Variants in USP22 observed in about 807,000 individuals in gnomAD.
The protein encoded by USP22 is ubiquitin specific peptidase 22.
Under a neutral mutation model 68.1 loss-of-function variants are expected in USP22, and 22 were observed. The ratio of observed to expected loss-of-function variants is 0.32; its 90% CI spans 0.23 to 0.46. The LOEUF (loss-of-function observed/expected upper bound fraction) is 0.46. Among genes scored for constraint, USP22 ranks in the 20% least tolerant of loss-of-function variants. The pLI, the probability that USP22 is intolerant of heterozygous loss-of-function variation, is 1.00. For synonymous variants in USP22, 279 were observed against 274.2 expected (o/e 1.02, Z -0.17); for missense variants, 433 against 695.8 (o/e 0.62, Z 4.25).
At chr17:21,033,753 A>ACT (rs1555530775) in intron 1 of USP22, among the ~76,000 whole-genome samples, 2 of 146,144 alleles carry the variant, frequency 1.4e-5, no homozygotes, top group African/African-American at 5.1e-5. Flanking sequence ...GACAGGTATA[A>ACT]TTTTTTTTTT....
chr17:21,010,704 A>AT (rs1484201854), intron 8 of USP22, among the ~76,000 whole-genome samples: 1 of 151,870 alleles, frequency 6.6e-6, no homozygotes, highest in Non-Finnish European at 1.5e-5. Context: ...ATTATTACTT[A>AT]TCCCAAATGA....
At position 21,042,825 on chromosome 17, in the gene USP22, CG is replaced by C. The variant is rs1972458862; in HGVS notation, c.10del (p.Arg4GlyfsTer15). On this transcript the variant is annotated frameshift_variant, in exon 1 of 13. Coordinates refer to ENST00000261497, the MANE Select transcript of USP22 (RefSeq NM_015276.2). LOFTEE classifies it high-confidence loss of function. ...CATGGCCTCGCCCTCGGGCTCTGGCCGGGACACCATGGGGGGCAAGGCCCGG... is the reference window on the plus strand; with the variant it reads ...CATGGCCTCGCCCTCGGGCTCTGGCCGGACACCATGGGGGGCAAGGCCCGG... Reference protein sequence around the residue: MVSRPEPEGEAMDA... With the variant: MVSXPEPEGEAMDA... 1.4e-6 allele frequency: 2 copies of C among 1,398,870 alleles called. No homozygotes were observed. The highest frequency in any genetic ancestry group is 1.5e-5 in the South Asian group (1 of 65,600). 86.7% of individuals were successfully genotyped at this position (1,398,870 alleles called of 1,614,324 possible).
intron 1 of USP22, among the ~76,000 whole-genome samples, chr17:21,036,833 C>T (rs1972364460): frequency 6.6e-6 from 1 of 152,134 alleles, no homozygotes; most frequent in African/African-American, 2.4e-5. Flanking sequence ...AGCTCTGTCC[C>T]TTGAGGGGGC....
At chr17:21,006,201 T>C in intron 10 of USP22, among the ~76,000 whole-genome samples, 1 of 152,206 alleles carries the variant, frequency 6.6e-6, no homozygotes, top group East Asian at 1.9e-4. Flanking sequence ...GTCTCATGCA[T>C]TAGTAAGCAG....
chr17:21,010,157 C>G (rs1449271625), intron 8 of USP22, among the ~76,000 whole-genome samples: 1 of 152,018 alleles, frequency 6.6e-6, no homozygotes. Flanking sequence ...GAGCAAGACC[C>G]TATCTCAAAA....
Position 20,999,921 on chromosome 17 carries a change from G to T in USP22, c.*3110C>A, listed in dbSNP as rs1205727312. ...GGAGGGAATGCCCAGGGAGGCTGCA[G>T]TGCTCACCACGAAGCCCAGGTCCAC... On this transcript the variant is annotated 3_prime_UTR_variant, in exon 13 of 13. Transcript: ENST00000261497. 6.6e-6 allele frequency: 1 copy of T among 152,318 alleles called. No homozygotes were observed. Among genetic ancestry groups the T allele is most frequent in the Non-Finnish European group, 1.5e-5 (1 of 68,142 alleles). The allele number at this position is 152,318 out of a possible 1,614,324, so 9.4% of individuals were successfully genotyped here. A position where few individuals can be genotyped will look rare whatever the true frequency, so the allele number is the denominator to read the frequency against.
rs74793544 is a variant in USP22, at chr17:21,024,315, G to A, written c.305-3089C>T. On this transcript the variant is annotated intron_variant, in intron 2 of 12. Transcript: ENST00000261497. The stretch of plus-strand genomic sequence containing the variant: ...TAGCTGACAACAAAAACTCTAGCCT[G>A]GGAAGACGGATCACCATTCCAGTGC... Among the ~76,000 whole-genome samples, 1,464 of 152,254 alleles carry A rather than the reference G, an allele frequency of 9.6e-3. 21 individuals are homozygous for A. The highest frequency in any genetic ancestry group is 0.033 in the African/African-American group (1,376 of 41,546).
chr17:21,014,767 T>A (rs930902855), intron 6 of USP22, among the ~76,000 whole-genome samples: 1 of 152,234 alleles, frequency 6.6e-6, no homozygotes, highest in Admixed American at 6.5e-5. Context: ...CAAGTTAAAA[T>A]TAACTGATAG....
chr17:21,031,684 C>T (rs1301077256), intron 1 of USP22, among the ~76,000 whole-genome samples: 5 of 148,494 alleles, frequency 3.4e-5, no homozygotes, highest in Non-Finnish European at 7.4e-5. Flanking sequence ...CCATTATAGT[C>T]TCTCTCTACT....
chr17:21,023,279 A>T (rs944767497), intron 2 of USP22, among the ~76,000 whole-genome samples: 2 of 152,222 alleles, frequency 1.3e-5, no homozygotes, highest in African/African-American at 4.8e-5. Flanking sequence ...TGTACACCAA[A>T]CCACTGAATA....
chr17:21,030,037 G>A (rs1311692713), intron 1 of USP22, among the ~76,000 whole-genome samples: 1 of 152,090 alleles, frequency 6.6e-6, no homozygotes, highest in African/African-American at 2.4e-5. Flanking sequence ...AATATATTAA[G>A]TTACATAAAC....
chr17:21,018,127 C>CA lies in USP22; in HGVS notation c.521-17dup. ...CCACGCAGACCTGGACACAAATCAC[C>CA]AGAGAGCAGGAGTTACCTGTGTGCT... On this transcript the variant is annotated splice_polypyrimidine_tract_variant and intron_variant, in intron 4 of 12. Coordinates refer to ENST00000261497, the MANE Select transcript of USP22 (RefSeq NM_015276.2). 1 of 1,566,020 alleles carries CA rather than the reference C, an allele frequency of 6.4e-7. No homozygotes were observed. Among genetic ancestry groups the CA allele is most frequent in the Admixed American group, 1.9e-5 (1 of 53,908 alleles).
At chr17:21,041,796 T>C (rs1972436316) in intron 1 of USP22, among the ~76,000 whole-genome samples, 1 of 152,260 alleles carries the variant, frequency 6.6e-6, no homozygotes, top group African/African-American at 2.4e-5. Flanking sequence ...CGTTACGTTT[T>C]GATTTCCAAA....
chr17:21,006,082 C>T (rs943215714), intron 10 of USP22, among the ~76,000 whole-genome samples: 1 of 152,190 alleles, frequency 6.6e-6, no homozygotes, highest in African/African-American at 2.4e-5. Flanking sequence ...ACATGGAGCC[C>T]TGCCAACACC....
At chr17:21,013,515 G>C (rs931377682) in intron 6 of USP22, among the ~76,000 whole-genome samples, 1 of 152,140 alleles carries the variant, frequency 6.6e-6, no homozygotes, top group African/African-American at 2.4e-5. Context: ...CTGTGAAAAA[G>C]AAACTTAAGT....
At chr17:21,039,003 G>A (rs185005097) in intron 1 of USP22, among the ~76,000 whole-genome samples, 482 of 152,088 alleles carry the variant, frequency 3.2e-3, no homozygotes, top group Non-Finnish European at 5.5e-3. Flanking sequence ...CCAGGCTGGA[G>A]TGCAGTGGTG....
intron 2 of USP22, among the ~76,000 whole-genome samples, chr17:21,022,819 T>TGAACCA (rs1197320835): frequency 7.1e-6 from 1 of 141,122 alleles, no homozygotes; most frequent in Non-Finnish European, 1.6e-5. Context: ...AAAAACCAAA[T>TGAACCA]GAACCAGGAT....
intron 1 of USP22, among the ~76,000 whole-genome samples, chr17:21,041,832 G>C (rs930166176): frequency 4.6e-5 from 7 of 152,238 alleles, no homozygotes; most frequent in African/African-American, 1.4e-4. Flanking sequence ...ACTGCGGGAC[G>C]CAAGACTGGG....
chr17:21,011,459 C>T (rs1489367788), intron 7 of USP22, 150 bp from the exon 8 acceptor site: 3 of 1,017,040 alleles, frequency 2.9e-6, no homozygotes, highest in Middle Eastern at 2.2e-4. Flanking sequence ...GCAAGAGCAG[C>T]AGTGCTCACA....
Sources: allele counts gnomAD v4.1 joint callset (sites outside exome capture counted in the v4.1 genomes callset), GRCh38; gene constraint gnomAD v4.1.1; transcripts MANE v1.5; gene names NCBI Gene and HGNC (gene_info 2026-07-23, HGNC 2026-07-21).